The following DPP10 variants were observed in gnomAD, a reference collection of about 807,000 sequenced individuals.
DPP10 encodes inactive dipeptidyl peptidase 10.
In DPP10, 33 loss-of-function variants were observed where a neutral mutation model predicts 120.9. The ratio of observed to expected loss-of-function variants is 0.27; its 90% CI spans 0.21 to 0.37. DPP10 has a LOEUF of 0.37. Ranked by LOEUF, DPP10 falls within the 10% of genes least tolerant of loss-of-function variation. The pLI is 1.00. For missense variants in DPP10, 816 were observed against 942.8 expected (o/e 0.87, Z 1.76); for synonymous variants, 337 against 326.1 (o/e 1.03, Z -0.36).
Position 115,131,865 on chromosome 2 carries a change from G to T in DPP10, c.61-177374G>T, listed in dbSNP as rs2104791685. The stretch of plus-strand genomic sequence containing the variant: ...GCACTTTGAGAAGCCAAGGTGGGCA[G>T]ATCACCTGAGGTCAGGAGTTCGAGG... On this transcript the variant is annotated intron_variant, in intron 1 of 25. Transcript: ENST00000410059. 2.0e-5 allele frequency: 3 copies of T among 151,810 alleles called. No homozygotes were observed. The Middle Eastern group carries it at 0.01, about 520-fold the overall frequency. 9.4% of individuals were successfully genotyped at this position (151,810 alleles called of 1,614,324 possible).
intron 1 of DPP10, among the ~76,000 whole-genome samples, chr2:114,499,923 G>A (rs1683012961): frequency 6.6e-6 from 1 of 152,176 alleles, no homozygotes; most frequent in Non-Finnish European, 1.5e-5. Context: ...TTCTATGGGT[G>A]ATCATACAAT....
At chr2:115,659,743 G>A (rs2088744609) in intron 5 of DPP10, among the ~76,000 whole-genome samples, 1 of 152,072 alleles carries the variant, frequency 6.6e-6, no homozygotes. Flanking sequence ...TCTTTGCTTA[G>A]CATAAGGAGT....
At chr2:114,684,260 GC>G (rs770970939) in intron 1 of DPP10, among the ~76,000 whole-genome samples, 26 of 152,012 alleles carry the variant, frequency 1.7e-4, no homozygotes, top group Admixed American at 1.1e-3. Flanking sequence ...TCAGGAACTT[GC>G]TCTTTTACCT....
intron 2 of DPP10, among the ~76,000 whole-genome samples, chr2:115,330,335 C>T (rs1386983061): frequency 6.6e-6 from 1 of 151,778 alleles, no homozygotes; most frequent in Non-Finnish European, 1.5e-5. Context: ...TGGATATTAG[C>T]CCTTTGTCAG....
intron 13 of DPP10, among the ~76,000 whole-genome samples, chr2:115,772,781 T>C (rs1055881048): frequency 1.3e-5 from 2 of 152,170 alleles, no homozygotes; most frequent in Non-Finnish European, 2.9e-5. Flanking sequence ...AGTGAAGAGA[T>C]AGGTTTTTAT....
chr2:114,629,262 T>C (rs1289981531), intron 1 of DPP10, among the ~76,000 whole-genome samples: 1 of 152,228 alleles, frequency 6.6e-6, no homozygotes, highest in Non-Finnish European at 1.5e-5. Context: ...GTCAGCCTGC[T>C]TCTCTGCCTT....
chr2:114,667,679 A>G (rs1411941356), intron 1 of DPP10, among the ~76,000 whole-genome samples: 3 of 152,146 alleles, frequency 2.0e-5, no homozygotes, highest in Non-Finnish European at 4.4e-5. Flanking sequence ...AGCTCAAGGG[A>G]TATTGAGTAA....
At chr2:115,407,252 C>A (rs1014581976) in intron 3 of DPP10, among the ~76,000 whole-genome samples, 1 of 152,218 alleles carries the variant, frequency 6.6e-6, no homozygotes, top group Non-Finnish European at 1.5e-5. Flanking sequence ...AGCCTGGTTT[C>A]TCAGCCTTCA....
At chr2:115,466,432 A>G (rs2074330316) in intron 3 of DPP10, among the ~76,000 whole-genome samples, 2 of 152,206 alleles carry the variant, frequency 1.3e-5, no homozygotes, top group African/African-American at 4.8e-5. Flanking sequence ...ATACTAAATC[A>G]TAATGAAAAC....
At chr2:115,450,926 A>G (rs748470366) in intron 3 of DPP10, among the ~76,000 whole-genome samples, 1 of 151,948 alleles carries the variant, frequency 6.6e-6, no homozygotes, top group Non-Finnish European at 1.5e-5. Context: ...TTTAGTTTAT[A>G]AAATGCTGTT....
chr2:114,972,479 C>T (rs1462854749), intron 1 of DPP10, among the ~76,000 whole-genome samples: 1 of 152,182 alleles, frequency 6.6e-6, no homozygotes, highest in Non-Finnish European at 1.5e-5. Context: ...AGGTATCCTA[C>T]TCAACCCACC....
At chr2:115,212,946 T>C (rs911254769) in intron 1 of DPP10, among the ~76,000 whole-genome samples, 8 of 152,182 alleles carry the variant, frequency 5.3e-5, no homozygotes, top group African/African-American at 1.4e-4. Flanking sequence ...TTCAGGATCA[T>C]ACAAATAGTT....
intron 1 of DPP10, among the ~76,000 whole-genome samples, chr2:115,081,474 C>A (rs1317641419): frequency 6.6e-6 from 1 of 152,114 alleles, no homozygotes; most frequent in African/African-American, 2.4e-5. Context: ...CCTTCTATGT[C>A]TGTTTCTATG....
intron 2 of DPP10, among the ~76,000 whole-genome samples, chr2:115,311,582 C>G (rs1438944488): frequency 6.6e-6 from 1 of 152,144 alleles, no homozygotes; most frequent in Non-Finnish European, 1.5e-5. Context: ...GTGGAGTTCT[C>G]ACCACATTCT....
intron 1 of DPP10, among the ~76,000 whole-genome samples, chr2:115,138,351 T>C (rs1234555242): frequency 6.6e-6 from 1 of 152,208 alleles, no homozygotes; most frequent in Non-Finnish European, 1.5e-5. Context: ...TAGAGCAGCA[T>C]TATAAAGCAT....
intron 1 of DPP10, among the ~76,000 whole-genome samples, chr2:115,152,554 CA>C (rs1263302593): frequency 6.6e-6 from 1 of 152,106 alleles, no homozygotes; most frequent in Non-Finnish European, 1.5e-5. Flanking sequence ...TGTTATGTAA[CA>C]GTAAAAAATA....
At chr2:114,910,131 C>A (rs1305686564) in intron 1 of DPP10, among the ~76,000 whole-genome samples, 2 of 151,630 alleles carry the variant, frequency 1.3e-5, no homozygotes, top group African/African-American at 4.8e-5. Flanking sequence ...TTAGGCCTTC[C>A]TGCATAAATA....
At chr2:114,723,410 C>T (rs548164960) in intron 1 of DPP10, among the ~76,000 whole-genome samples, 42 of 152,270 alleles carry the variant, frequency 2.8e-4, no homozygotes, top group African/African-American at 1.0e-3. Flanking sequence ...ACAACAGTTC[C>T]AAAGACAAAC....
At chr2:115,295,266 A>G (rs1168559322) in intron 1 of DPP10, among the ~76,000 whole-genome samples, 1 of 152,098 alleles carries the variant, frequency 6.6e-6, no homozygotes, top group Admixed American at 6.6e-5. Context: ...TTCAGCCAGA[A>G]AAGTCCTCCT....
Sources: gnomAD v4.1 joint callset for allele counts (sites outside exome capture counted in the v4.1 genomes callset) on GRCh38, gnomAD v4.1.1 for gene constraint, MANE v1.5 for transcripts, NCBI Gene and HGNC (gene_info 2026-07-23, HGNC 2026-07-21) for gene names.